ALK: variants seen among roughly 807,000 people sequenced by gnomAD.
The protein encoded by ALK is ALK tyrosine kinase receptor.
In ALK, 74 loss-of-function variants were observed where a neutral mutation model predicts 163.1. The observed-to-expected ratio is 0.45, with a 90% confidence interval of 0.38 to 0.55. The LOEUF (loss-of-function observed/expected upper bound fraction) is 0.55, where lower values mean the gene tolerates loss of function less well. ALK is among the 20% of genes least tolerant of loss of function. The pLI is 0.00. For synonymous variants in ALK, 960 were observed against 843.2 expected (o/e 1.14, Z -2.40); for missense variants, 2,063 against 2,105.3 (o/e 0.98, Z 0.39).
chr2:29,318,998 C>G (rs1405579170), intron 7 of ALK: 3 of 156,472 alleles, frequency 1.9e-5, no homozygotes, highest in African/African-American at 7.2e-5. Flanking sequence ...TCCCCAGCTC[C>G]ACCCTCCCCA....
At chr2:29,358,968 T>C (rs60725783) in intron 5 of ALK, among the ~76,000 whole-genome samples, 3,089 of 152,262 alleles carry the variant, frequency 0.02, 61 homozygotes, top group African/African-American at 0.044. Context: ...CTAAGAGTTG[T>C]ACAATTAAGA....
At chr2:29,780,099 CGCA>C (rs1279268978) in intron 1 of ALK, among the ~76,000 whole-genome samples, 1 of 152,208 alleles carries the variant, frequency 6.6e-6, no homozygotes, top group African/African-American at 2.4e-5. Context: ...CTCTCAAAAA[CGCA>C]GACTGAAGAT....
At chr2:29,446,731 A>G (rs1670694506) in intron 4 of ALK, among the ~76,000 whole-genome samples, 1 of 146,964 alleles carries the variant, frequency 6.8e-6, no homozygotes, top group African/African-American at 2.7e-5. Context: ...TATGTAAATG[A>G]CCACATTTCA....
chr2:29,573,541 A>G (rs574074768), intron 3 of ALK, among the ~76,000 whole-genome samples: 1 of 152,370 alleles, frequency 6.6e-6, no homozygotes, highest in Non-Finnish European at 1.5e-5. Context: ...CCCAGGTGAC[A>G]TGTAAAAATT....
chr2:29,841,039 CT>C (rs1665684357), intron 1 of ALK, among the ~76,000 whole-genome samples: 1 of 152,080 alleles, frequency 6.6e-6, no homozygotes, highest in African/African-American at 2.4e-5. Context: ...TTTTGTTAGC[CT>C]TGTGTTAGGG....
intron 5 of ALK, among the ~76,000 whole-genome samples, chr2:29,380,076 GA>G (rs1174617382): frequency 2.6e-5 from 4 of 151,584 alleles, no homozygotes; most frequent in African/African-American, 9.7e-5. Flanking sequence ...AAAGCAGGAG[GA>G]AAAGAGCAAT....
intron 5 of ALK, among the ~76,000 whole-genome samples, chr2:29,378,310 G>A (rs1668807565): frequency 6.6e-6 from 1 of 152,192 alleles, no homozygotes; most frequent in African/African-American, 2.4e-5. Context: ...CACATTTCAA[G>A]GAAAATCATT....
chr2:29,768,707 A>ATGTC (rs1558479776), intron 1 of ALK, among the ~76,000 whole-genome samples: 7 of 85,182 alleles, frequency 8.2e-5, no homozygotes, highest in Admixed American at 2.5e-4. Flanking sequence ...ATTAAATTAT[A>ATGTC]TATGTCTGTG....
intron 5 of ALK, among the ~76,000 whole-genome samples, chr2:29,363,086 A>G (rs1194983680): frequency 6.6e-6 from 1 of 152,000 alleles, no homozygotes; most frequent in Non-Finnish European, 1.5e-5. Flanking sequence ...TTCCCTTTGT[A>G]CTTGCCTCTT....
intron 1 of ALK, among the ~76,000 whole-genome samples, chr2:29,905,120 C>A (rs1467056400): frequency 6.6e-6 from 1 of 152,220 alleles, no homozygotes; most frequent in African/African-American, 2.4e-5. Context: ...AATGCAAACA[C>A]AATTTTGTGC....
intron 4 of ALK, among the ~76,000 whole-genome samples, chr2:29,407,802 C>T (rs1229531189): frequency 1.2e-4 from 18 of 152,196 alleles, no homozygotes; most frequent in Non-Finnish European, 1.9e-4. Context: ...AACATTTCAC[C>T]GATGTGTCAT....
Position 29,326,539 on chromosome 2 carries a change from G to T in ALK, c.1414+1811C>A, listed in dbSNP as rs149126229. ...CACACAGGCCCCTGAACAGGGCACT[G>T]TGGGCAGGACTGGCTTCACTTTGGG... On this transcript the variant is annotated intron_variant, in intron 6 of 28. Transcript: ENST00000389048. Among the ~76,000 whole-genome samples the T allele has an allele frequency of 8.7e-3, 1,318 of 152,290 alleles. 31 individuals carry two copies. The highest frequency in any genetic ancestry group is 0.03 in the African/African-American group (1,230 of 41,558).
intron 3 of ALK, among the ~76,000 whole-genome samples, chr2:29,536,282 A>G (rs1673254260): frequency 6.6e-6 from 1 of 150,520 alleles, no homozygotes; most frequent in Non-Finnish European, 1.5e-5. Context: ...TGAATGGTTT[A>G]GCTCCATCCC....
intron 1 of ALK, among the ~76,000 whole-genome samples, chr2:29,735,641 G>A (rs990869765): frequency 3.3e-5 from 5 of 151,958 alleles, no homozygotes; most frequent in African/African-American, 1.2e-4. Context: ...TCATGGGAGG[G>A]GCCCAGTGGG....
intron 8 of ALK, among the ~76,000 whole-genome samples, chr2:29,312,493 G>A (rs1285745831): frequency 6.6e-6 from 1 of 152,140 alleles, no homozygotes; most frequent in African/African-American, 2.4e-5. Flanking sequence ...GGCCCCACAT[G>A]GCCAGCTGGA....
chr2:29,855,809 G>A (rs1666123661), intron 1 of ALK, among the ~76,000 whole-genome samples: 2 of 152,166 alleles, frequency 1.3e-5, no homozygotes, highest in Admixed American at 6.5e-5. Flanking sequence ...AACCAGCCAC[G>A]TGTAGTCTTC....
intron 11 of ALK, among the ~76,000 whole-genome samples, chr2:29,258,645 C>G (rs4627519): frequency 0.73 from 111,287 of 152,186 alleles, 41,009 homozygotes; most frequent in East Asian, 0.8. Flanking sequence ...ACATATTTTT[C>G]AGTTTTAATT....
chr2:29,306,653 G>A (rs911151345), intron 8 of ALK, among the ~76,000 whole-genome samples: 1 of 64,862 alleles, frequency 1.5e-5, no homozygotes, highest in Admixed American at 1.4e-4. Flanking sequence ...ATTAACAGTC[G>A]TGTGTGTGTG....
intron 1 of ALK, among the ~76,000 whole-genome samples, chr2:29,757,182 C>T (rs537993946): frequency 5.3e-5 from 8 of 152,270 alleles, no homozygotes; most frequent in Non-Finnish European, 2.9e-5. Flanking sequence ...CAGAAGACCA[C>T]AATAGCTATA....
Sources: allele counts gnomAD v4.1 joint callset (sites outside exome capture counted in the v4.1 genomes callset), GRCh38; gene constraint gnomAD v4.1.1; transcripts MANE v1.5; gene names NCBI Gene and HGNC (gene_info 2026-07-23, HGNC 2026-07-21).